FUBP1: variants seen among roughly 807,000 people sequenced by gnomAD.
FUBP1 encodes the protein far upstream element binding protein 1.
A neutral mutation model predicts 94.9 loss-of-function variants in FUBP1; 16 were observed. The observed-to-expected ratio is 0.17, with a 90% CI of 0.11 to 0.26. FUBP1 has a LOEUF of 0.26. Among genes scored for constraint, FUBP1 ranks in the 10% least tolerant of loss-of-function variants. The pLI, the probability that FUBP1 is intolerant of heterozygous loss-of-function variation, is 1.00. For missense variants in FUBP1, 583 were observed against 808.6 expected, an observed-to-expected ratio of 0.72 and a Z score of 3.38; for synonymous variants, 279 against 254.9, an observed-to-expected ratio of 1.09 and a Z score of -0.90.
At position 77,944,935 on chromosome 1, in the gene FUBP1, A is replaced by T. The variant is rs1455643828; in HGVS notation, c.*3831T>A. On this transcript the variant is annotated 3_prime_UTR_variant, in exon 20 of 20. Coordinates refer to ENST00000370768, the MANE Select transcript of FUBP1 (RefSeq NM_003902.5). The stretch of plus-strand genomic sequence containing the variant: ...AAGTATCACCACACTAAGCTGTCTT[A>T]AAAAAAACTAAAAACATTGTCAAAT... 6.6e-6 allele frequency among the ~76,000 whole-genome samples: 1 copy of T among 151,722 alleles called. No individual in the cohort carries two copies. The highest frequency in any genetic ancestry group is 1.5e-5 in the Non-Finnish European group (1 of 67,786).
intron 18 of FUBP1, 72 bp downstream of exon 18, chr1:77,955,183 T>G: frequency 2.8e-6 from 2 of 712,496 alleles, no homozygotes; most frequent in South Asian, 3.3e-5. Context: ...TATTCAATTA[T>G]TCTCTTCCTG....
At position 77,948,340 on chromosome 1, in the gene FUBP1, T is replaced by TAA; in HGVS notation, c.*424_*425dup. 1 of 1,054,026 alleles carries TAA rather than the reference T, an allele frequency of 9.5e-7. No homozygotes were observed. The highest frequency in any genetic ancestry group is 4.5e-5 in the South Asian group (1 of 21,980). 65.3% of individuals were successfully genotyped at this position (1,054,026 alleles called of 1,614,324 possible). ...CTTATATATTTGTGTATATGTATCT[T>TAA]AATTTATCATTGCTAAGAAATTATG... On this transcript the variant is annotated 3_prime_UTR_variant, in exon 20 of 20. Transcript: ENST00000370768.
At position 77,979,046 on chromosome 1, in the gene FUBP1, C is replaced by T; in HGVS notation, c.-42G>A. ...CCGCTGCCGCCTGTTCAGAGACTTC[C>T]TCTCAGCTAACAGCTAAGAAAGAAA... is the stretch of plus-strand genomic sequence containing the variant. On this transcript the variant is annotated 5_prime_UTR_variant, in exon 1 of 20. Coordinates refer to ENST00000370768, the MANE Select transcript of FUBP1 (RefSeq NM_003902.5). The T allele has an allele frequency of 6.4e-7, 1 of 1,561,488 alleles. No homozygotes were observed. The highest frequency in any genetic ancestry group is 8.7e-7 in the Non-Finnish European group (1 of 1,148,192).
At position 77,967,639 on chromosome 1, in the gene FUBP1, T is replaced by C. The variant is rs370398596; in HGVS notation, c.278A>G (p.His93Arg). 2.5e-6 allele frequency: 4 copies of C among 1,594,418 alleles called. No individual in the cohort carries two copies. The highest frequency in any genetic ancestry group is 8.6e-7 in the Non-Finnish European group (1 of 1,166,098). ...CTTGTGACTATACCTTTGCTGCTGA[T>C]GCATCGGTGGTAACTGTGTTCCAAA... is the stretch of plus-strand genomic sequence containing the variant. ...DSFGTQLPPM[H>R]QQQSRSVMTE... The change falls in exon 4 of 20, where the codon CAT (histidine) becomes CGT (arginine). Residue 93 changes from histidine (H) to arginine (R), a missense_variant. Transcript: ENST00000370768.
chr1:77,961,702 A>G (rs1655513316), intron 14 of FUBP1, among the ~76,000 whole-genome samples: 1 of 152,210 alleles, frequency 6.6e-6, no homozygotes, highest in African/African-American at 2.4e-5. Context: ...TGCTTCTCCA[A>G]AACAATCTAT....
intron 1 of FUBP1, among the ~76,000 whole-genome samples, chr1:77,973,590 T>G (rs987942599): frequency 6.6e-6 from 1 of 151,904 alleles, no homozygotes; most frequent in African/African-American, 2.4e-5. Flanking sequence ...AAGCTTTCCA[T>G]CTGGACCATT....
chr1:77,955,614 T>G (rs926413862), intron 17 of FUBP1, among the ~76,000 whole-genome samples: 2 of 152,206 alleles, frequency 1.3e-5, no homozygotes, highest in African/African-American at 4.8e-5. Context: ...ACCAGGTTTC[T>G]CACGTTTGTA....
At chr1:77,961,526 C>A (rs1384423136) in intron 14 of FUBP1, among the ~76,000 whole-genome samples, 3 of 152,188 alleles carry the variant, frequency 2.0e-5, no homozygotes, top group Non-Finnish European at 4.4e-5. Flanking sequence ...TTAATCCCTA[C>A]AACTCTATGA....
rs2102390242 is a variant in FUBP1, at chr1:77,964,058, A to T, written c.1041+4T>A. On this transcript the variant is annotated splice_donor_region_variant and intron_variant, in intron 12 of 19. Transcript: ENST00000370768. The stretch of plus-strand genomic sequence containing the variant: ...AAAATGAAAATGTTAACTTTCTATC[A>T]AACCTGAACACTTCGAAGAAGGTCT... 6.7e-7 allele frequency: 1 copy of T among 1,499,724 alleles called. No individual in the cohort carries two copies. Among genetic ancestry groups the T allele is most frequent in the Non-Finnish European group, 9.3e-7 (1 of 1,076,518 alleles). 92.9% of individuals were successfully genotyped at this position (1,499,724 alleles called of 1,614,324 possible).
intron 14 of FUBP1, 141 bp downstream of exon 14, chr1:77,962,629 T>C (rs1368272943): frequency 1.3e-5 from 6 of 469,508 alleles, no homozygotes; most frequent in Non-Finnish European, 2.2e-5. Flanking sequence ...ATCTTCACGT[T>C]GTATCTATTA....
intron 17 of FUBP1, 45 bp from the exon 18 acceptor site, chr1:77,955,374 A>G: frequency 7.9e-7 from 1 of 1,261,002 alleles, no homozygotes; most frequent in Non-Finnish European, 1.2e-6. Context: ...AAAGTTTTTA[A>G]AAGGCAATTT....
Position 77,960,214 on chromosome 1 carries a change from G to A in FUBP1, c.1546C>T (p.His516Tyr). 6.2e-7 allele frequency: 1 copy of A among 1,612,222 alleles called. No homozygotes were observed. The highest frequency in any genetic ancestry group is 8.5e-7 in the Non-Finnish European group (1 of 1,178,846). The change falls in exon 16 of 20, where the codon CAC becomes TAC. Residue 516 changes from histidine (H) to tyrosine (Y), a missense_variant. Transcript: ENST00000370768. ...TCAGGAGGAGCCTGCTGCTGCCAGT[G>A]TGGATATGCATTTCCCCATCCCTGG... Reference protein sequence around the residue: ...APQGWGNAYPHWQQQAPPDPA... With the variant: ...APQGWGNAYPYWQQQAPPDPA...
intron 1 of FUBP1, among the ~76,000 whole-genome samples, chr1:77,975,314 T>C (rs1166592886): frequency 2.0e-5 from 3 of 152,100 alleles, no homozygotes; most frequent in Non-Finnish European, 2.9e-5. Context: ...AATATTACCA[T>C]ACCATAACTT....
chr1:77,954,941 G>C (rs943019189), intron 18 of FUBP1, among the ~76,000 whole-genome samples: 3 of 152,010 alleles, frequency 2.0e-5, no homozygotes, highest in African/African-American at 4.8e-5. Flanking sequence ...CACAATTTTC[G>C]CCTGACACAT....
intron 2 of FUBP1, chr1:77,969,061 T>A: frequency 7.8e-7 from 1 of 1,287,408 alleles, no homozygotes. Context: ...TGTGTTGTAC[T>A]GCTCGGACTT....
intron 13 of FUBP1, 29 bp downstream of exon 13, chr1:77,963,545 T>C: frequency 7.3e-7 from 1 of 1,364,094 alleles, no homozygotes; most frequent in South Asian, 1.2e-5. Context: ...AATAATGTGT[T>C]AAAACATTAA....
rs1557447478 is a variant in FUBP1 at position 77,963,795 on chromosome 1, T to C, written c.1042-80A>G. On this transcript the variant is annotated intron_variant, in intron 12 of 19. Transcript: ENST00000370768. The stretch of plus-strand genomic sequence containing the variant: ...ATGATAAAATTATTAAGTTTATTTT[T>C]CCCAGCTCTCATATACCTGAATCAG... The C allele has an allele frequency of 7.5e-6, 9 of 1,202,888 alleles. No individual in the cohort carries two copies. In the East Asian group the frequency reaches 9.8e-5, roughly 13 times the overall value. The allele number at this position is 1,202,888 out of a possible 1,614,324, so 74.5% of individuals were successfully genotyped here.
chr1:77,947,749 A>G lies in FUBP1; in HGVS notation c.*1017T>C, dbSNP rs1180815003. ...GTTGATTCAATGATTGGACTTGTGC[A>G]TTTACAAAACAAAGCTTATCTATAC... On this transcript the variant is annotated 3_prime_UTR_variant, in exon 20 of 20. Transcript: ENST00000370768. 1.7e-6 allele frequency: 1 copy of G among 596,914 alleles called. No individual in the cohort carries two copies. The highest frequency in any genetic ancestry group is 2.6e-6 in the Non-Finnish European group (1 of 381,926). 37.0% of individuals were successfully genotyped at this position (596,914 alleles called of 1,614,324 possible).
In FUBP1 at chr1:77,947,864, A is replaced by G. The variant is rs1652492450; in HGVS notation, c.*902T>C. ...AATGTAGCTATACTTTTTGCACACT[A>G]TTCACTTTTCTATCCTAAATTTAGA... On this transcript the variant is annotated 3_prime_UTR_variant, in exon 20 of 20. Coordinates refer to ENST00000370768, the MANE Select transcript of FUBP1 (RefSeq NM_003902.5). 1 of 1,101,956 alleles carries G rather than the reference A, an allele frequency of 9.1e-7. No individual in the cohort carries two copies. Among genetic ancestry groups the G allele is most frequent in the Admixed American group, 4.5e-5 (1 of 22,328 alleles). The allele number at this position is 1,101,956 out of a possible 1,614,324, so 68.3% of individuals were successfully genotyped here. A position where few individuals can be genotyped will look rare whatever the true frequency, so the allele number is the denominator to read the frequency against.
Sources: gnomAD v4.1 joint callset for allele counts (sites outside exome capture counted in the v4.1 genomes callset) on GRCh38, gnomAD v4.1.1 for gene constraint, MANE v1.5 for transcripts, NCBI Gene and HGNC (gene_info 2026-07-23, HGNC 2026-07-21) for gene names.